The following ARSG variants were observed in gnomAD, a reference collection of about 807,000 sequenced individuals.
ARSG encodes the protein ASG.
ARSG carries 37 observed loss-of-function variants against 50.5 expected under a neutral mutation model. The observed-to-expected ratio is 0.73, with a 90% CI of 0.56 to 0.96. The LOEUF (loss-of-function observed/expected upper bound fraction) is 0.96. Ranked by LOEUF, ARSG falls within the 50% of genes least tolerant of loss-of-function variation. ARSG has a pLI of 0.00. For missense variants in ARSG, 629 were observed against 675.3 expected (o/e 0.93, Z 0.76); for synonymous variants, 225 against 254.6 (o/e 0.88, Z 1.11).
Position 68,367,178 on chromosome 17 carries a change from T to C in ARSG, c.705-1370T>C, listed in dbSNP as rs2079586546. On this transcript the variant is annotated intron_variant, in intron 6 of 11. Transcript: ENST00000621439. The surrounding 1 kb of genome is among the most constrained non-coding windows in gnomAD (Gnocchi z 4.5). ...CTCTAGCAATGTTGCAGAGAAAGTG[T>C]GGATTAAAATGGGGAAGGCAGACGC... Among the ~76,000 whole-genome samples the C allele has an allele frequency of 6.6e-6, 1 of 152,134 alleles. No homozygotes were observed. Among genetic ancestry groups the C allele is most frequent in the South Asian group, 2.1e-4 (1 of 4,820 alleles).
intron 2 of ARSG, among the ~76,000 whole-genome samples, chr17:68,331,868 A>T (rs552339529): frequency 7.2e-5 from 11 of 152,190 alleles, no homozygotes; most frequent in African/African-American, 1.7e-4. Flanking sequence ...GAGTGTACGA[A>T]TAGGGTGTGG....
At chr17:68,383,764 G>A (rs1226725288) in intron 8 of ARSG, among the ~76,000 whole-genome samples, 2 of 152,230 alleles carry the variant, frequency 1.3e-5, no homozygotes, top group African/African-American at 4.8e-5. Flanking sequence ...TATGGGAGAC[G>A]TGGCCCTCGA....
chr17:68,361,971 A>C (rs1243967187), intron 6 of ARSG, among the ~76,000 whole-genome samples: 1 of 152,088 alleles, frequency 6.6e-6, no homozygotes, highest in East Asian at 1.9e-4. Context: ...AAACCCAAAA[A>C]ACAGAATTGG....
chr17:68,450,851 G>T, the ARSG span: 2 of 1,614,096 alleles, frequency 1.2e-6, no homozygotes, highest in Non-Finnish European at 1.7e-6. Flanking sequence ...CCACCACCAG[G>T]CTGCTGGAGA....
At chr17:68,431,708 A>G in the ARSG span, among the ~76,000 whole-genome samples, 2 of 8,928 alleles carry the variant, frequency 2.2e-4, no homozygotes, top group African/African-American at 1.3e-3. Context: ...CTGGCCAGCG[A>G]AGCAGGGCTG....
At chr17:68,450,481 G>A in the ARSG span, among the ~76,000 whole-genome samples, 1 of 152,304 alleles carries the variant, frequency 6.6e-6, no homozygotes, top group East Asian at 1.9e-4. Context: ...CTAGGGAGAG[G>A]GTGCAGCCTA....
intron 1 of ARSG, among the ~76,000 whole-genome samples, chr17:68,263,312 C>G (rs1329231231): frequency 3.3e-5 from 5 of 152,174 alleles, no homozygotes; most frequent in African/African-American, 1.2e-4. Context: ...CTGTACGCTA[C>G]GATCGCCCTC....
At chr17:68,351,711 A>T in intron 5 of ARSG, 25 bp downstream of exon 5, 1 of 1,501,990 alleles carries the variant, frequency 6.7e-7, no homozygotes, top group Non-Finnish European at 9.3e-7. Context: ...CACATTTGCG[A>T]TAGGCTCCAG....
chr17:68,450,234 C>A, the ARSG span, among the ~76,000 whole-genome samples: 1 of 152,160 alleles, frequency 6.6e-6, no homozygotes, highest in African/African-American at 2.4e-5. Context: ...GAATAGCAGA[C>A]CTTCCAGGAG....
chr17:68,438,348 C>T, the ARSG span, among the ~76,000 whole-genome samples: 2 of 152,218 alleles, frequency 1.3e-5, no homozygotes, highest in East Asian at 3.8e-4. Context: ...CAATTCCTCA[C>T]CCCTTCTGAA....
chr17:68,291,591 C>A (rs1381968433), intron 1 of ARSG, 23 bp downstream of exon 1: 2 of 151,290 alleles, frequency 1.3e-5, no homozygotes, highest in Non-Finnish European at 2.9e-5. Flanking sequence ...CGGTCCGGGG[C>A]CGGGCCGCCC....
At chr17:68,363,392 A>T (rs1001039601) in intron 6 of ARSG, among the ~76,000 whole-genome samples, 1 of 152,156 alleles carries the variant, frequency 6.6e-6, no homozygotes, top group Admixed American at 6.6e-5. Context: ...GAGATAGGGA[A>T]AGCTGCAAAG....
intron 1 of ARSG, among the ~76,000 whole-genome samples, chr17:68,284,349 G>A (rs534842165): frequency 1.3e-5 from 2 of 151,862 alleles, no homozygotes; most frequent in East Asian, 1.9e-4. Flanking sequence ...AGCCAAGATC[G>A]TGCCACTGCA....
intron 1 of ARSG, among the ~76,000 whole-genome samples, chr17:68,262,576 G>A (rs1435960932): frequency 6.6e-6 from 1 of 151,384 alleles, no homozygotes; most frequent in Admixed American, 6.6e-5. Flanking sequence ...TAAGGATTTA[G>A]TTCAGACTTG....
At chr17:68,277,129 A>AATT (rs1295619601) in intron 1 of ARSG, among the ~76,000 whole-genome samples, 6 of 151,692 alleles carry the variant, frequency 4.0e-5, no homozygotes, top group Admixed American at 6.6e-5. Flanking sequence ...GTATGTCAGC[A>AATT]ATTATTATTA....
intron 11 of ARSG, among the ~76,000 whole-genome samples, chr17:68,417,733 ATTTTTTTTTTTTTTT>A (rs770292731): frequency 0.027 from 1,637 of 60,950 alleles, 59 homozygotes; most frequent in African/African-American, 0.097. Context: ...GAGTTGCTGA[ATTTTTTTTTTTTTTT>A]TTTTTTTTTT....
chr17:68,372,475 C>A (rs760407185), intron 8 of ARSG, among the ~76,000 whole-genome samples: 1 of 151,972 alleles, frequency 6.6e-6, no homozygotes, highest in Non-Finnish European at 1.5e-5. Context: ...TGGCAGAAGG[C>A]GAAGGGGAAG....
intron 6 of ARSG, among the ~76,000 whole-genome samples, chr17:68,368,024 C>T (rs1310772679): frequency 2.6e-5 from 4 of 152,096 alleles, no homozygotes; most frequent in South Asian, 2.1e-4. Flanking sequence ...GTGACAATAT[C>T]GCGCCACTGC....
chr17:68,451,022 G>A, the ARSG span: 25 of 1,327,022 alleles, frequency 1.9e-5, no homozygotes, highest in African/African-American at 4.5e-5. Flanking sequence ...CCGGCCAGGC[G>A]CCCTCTCTGA....
Sources: allele counts gnomAD v4.1 joint callset (sites outside exome capture counted in the v4.1 genomes callset), GRCh38; gene constraint gnomAD v4.1.1; non-coding constraint Gnocchi (gnomAD v3.1); transcripts MANE v1.5; gene names NCBI Gene and HGNC (gene_info 2026-07-23, HGNC 2026-07-21).